The following SCHIP1 variants were observed in gnomAD, a reference collection of about 807,000 sequenced individuals.
SCHIP1 encodes schwannomin interacting protein 1.
In SCHIP1, 8 loss-of-function variants were observed where a neutral mutation model predicts 29.7. The observed-to-expected ratio is 0.27, with a 90% CI of 0.16 to 0.49. The LOEUF (loss-of-function observed/expected upper bound fraction) is 0.49, where lower values mean the gene tolerates loss of function less well. Ranked by LOEUF, SCHIP1 falls within the 20% of genes least tolerant of loss-of-function variation. The probability of loss-of-function intolerance (pLI) is 0.99; values close to 1 mark genes in which losing one functional copy is unlikely to be tolerated. For synonymous variants in SCHIP1, 76 were observed against 94.9 expected (o/e 0.80, Z 1.16); for missense variants, 193 against 294.6 (o/e 0.66, Z 2.52).
chr3:159,651,726 T>TA, the SCHIP1 span, among the ~76,000 whole-genome samples: 1 of 152,236 alleles, frequency 6.6e-6, no homozygotes, highest in African/African-American at 2.4e-5. Context: ...AAACTTTTTT[T>TA]ACTGAAAAGT....
the SCHIP1 span, among the ~76,000 whole-genome samples, chr3:159,508,947 G>T: frequency 6.6e-6 from 1 of 152,238 alleles, no homozygotes; most frequent in Admixed American, 6.5e-5. Flanking sequence ...ATATTCTGTT[G>T]ATTTGGGGTG....
At chr3:159,619,745 G>A in the SCHIP1 span, among the ~76,000 whole-genome samples, 1 of 152,180 alleles carries the variant, frequency 6.6e-6, no homozygotes, top group Admixed American at 6.5e-5. Context: ...AAAGTTTGCA[G>A]CATGAGTGAA....
chr3:159,859,258 C>T (rs921399105), intron 1 of SCHIP1, among the ~76,000 whole-genome samples: 1 of 152,134 alleles, frequency 6.6e-6, no homozygotes, highest in Non-Finnish European at 1.5e-5. Flanking sequence ...TGGTTTGTCT[C>T]AGTGAGAAAA....
the SCHIP1 span, among the ~76,000 whole-genome samples, chr3:159,535,032 G>A: frequency 3.3e-5 from 5 of 152,100 alleles, no homozygotes; most frequent in Admixed American, 6.5e-5. Flanking sequence ...GCTGTTCTGA[G>A]TCCCTGTTCC....
chr3:159,757,444 A>G, the SCHIP1 span, among the ~76,000 whole-genome samples: 6 of 152,170 alleles, frequency 3.9e-5, no homozygotes, highest in African/African-American at 1.2e-4. Context: ...CCCTCCCACA[A>G]CACATGGGAC....
chr3:159,828,920 C>T, the SCHIP1 span, among the ~76,000 whole-genome samples: 1 of 152,146 alleles, frequency 6.6e-6, no homozygotes, highest in African/African-American at 2.4e-5. Flanking sequence ...CATGACAACC[C>T]AACTTATTTT....
At chr3:159,694,537 C>CAGGAAAGAAAGA in the SCHIP1 span, among the ~76,000 whole-genome samples, 233 of 119,460 alleles carry the variant, frequency 2.0e-3, 1 homozygote, top group African/African-American at 7.2e-3. Flanking sequence ...AAAGAAAAGA[C>CAGGAAAGAAAGA]AAGAAAGAAA....
At chr3:159,848,087 T>C (rs1712082697) in intron 1 of SCHIP1, among the ~76,000 whole-genome samples, 2 of 152,186 alleles carry the variant, frequency 1.3e-5, no homozygotes, top group African/African-American at 4.8e-5. Flanking sequence ...GTTAATAATT[T>C]CCACCAATGG....
chr3:159,295,929 C>T, the SCHIP1 span, among the ~76,000 whole-genome samples: 11 of 151,864 alleles, frequency 7.2e-5, no homozygotes, highest in Admixed American at 3.9e-4. Flanking sequence ...GTCAATGATA[C>T]GGGAAAATGA....
the SCHIP1 span, among the ~76,000 whole-genome samples, chr3:159,657,962 G>A: frequency 6.6e-6 from 1 of 152,210 alleles, no homozygotes; most frequent in Non-Finnish European, 1.5e-5. Context: ...CACTGCCTTG[G>A]CAGATGCAGC....
chr3:159,561,648 C>A, the SCHIP1 span, among the ~76,000 whole-genome samples: 1 of 151,938 alleles, frequency 6.6e-6, no homozygotes, highest in East Asian at 1.9e-4. Context: ...GTAAAGAATT[C>A]TTTCATGATG....
the SCHIP1 span, among the ~76,000 whole-genome samples, chr3:159,443,767 A>G: frequency 6.6e-6 from 1 of 152,168 alleles, no homozygotes; most frequent in East Asian, 1.9e-4. Flanking sequence ...TCGGCCTCCC[A>G]AAGTGCTGGA....
At chr3:159,446,785 G>T in the SCHIP1 span, among the ~76,000 whole-genome samples, 1 of 152,150 alleles carries the variant, frequency 6.6e-6, no homozygotes, top group African/African-American at 2.4e-5. Flanking sequence ...AGTGTGCCAA[G>T]AAACCAAAAG....
chr3:159,594,372 G>A, the SCHIP1 span, among the ~76,000 whole-genome samples: 1 of 152,178 alleles, frequency 6.6e-6, no homozygotes, highest in South Asian at 2.1e-4. Context: ...CGGACACTGA[G>A]TGACAATAAG....
chr3:159,704,640 G>A, the SCHIP1 span, among the ~76,000 whole-genome samples: 2 of 151,822 alleles, frequency 1.3e-5, no homozygotes, highest in African/African-American at 4.8e-5. Flanking sequence ...TATCATATTA[G>A]GCAATTCCAC....
chr3:159,361,783 G>T, the SCHIP1 span, among the ~76,000 whole-genome samples: 3 of 152,250 alleles, frequency 2.0e-5, no homozygotes, highest in Admixed American at 2.0e-4. Context: ...CCAAGAGTTT[G>T]GGTGTGGGTT....
At chr3:159,314,948 A>C in the SCHIP1 span, among the ~76,000 whole-genome samples, 2 of 152,142 alleles carry the variant, frequency 1.3e-5, no homozygotes, top group Non-Finnish European at 2.9e-5. Context: ...TTGTTTAGGA[A>C]CTGTGCGGCT....
chr3:159,545,258 G>T, the SCHIP1 span, among the ~76,000 whole-genome samples: 2 of 152,160 alleles, frequency 1.3e-5, no homozygotes, highest in Non-Finnish European at 2.9e-5. Flanking sequence ...GTGTCTGTGA[G>T]GGTGTTGCCA....
At chr3:159,376,125 GC>G in the SCHIP1 span, among the ~76,000 whole-genome samples, 2 of 151,792 alleles carry the variant, frequency 1.3e-5, no homozygotes, top group Non-Finnish European at 2.9e-5. Context: ...AAGCCAAAAA[GC>G]CCTGTTAGGT....
Sources: allele counts gnomAD v4.1 joint callset (sites outside exome capture counted in the v4.1 genomes callset), GRCh38; gene constraint gnomAD v4.1.1; transcripts MANE v1.5; gene names NCBI Gene and HGNC (gene_info 2026-07-23, HGNC 2026-07-21).